CYTH1: variants seen among roughly 807,000 people sequenced by gnomAD.
The protein encoded by CYTH1 is cytohesin 1, also known as cytohesin-1.
A neutral mutation model predicts 61.8 loss-of-function variants in CYTH1; 18 were observed. The ratio of observed to expected loss-of-function variants is 0.29; its 90% CI spans 0.20 to 0.43. CYTH1 has a LOEUF of 0.43. Ranked by LOEUF, CYTH1 falls within the 20% of genes least tolerant of loss-of-function variation. The pLI is 1.00. For missense variants in CYTH1, 336 were observed against 510.5 expected, an observed-to-expected ratio of 0.66 and a Z score of 3.29; for synonymous variants, 174 against 184.3, an observed-to-expected ratio of 0.94 and a Z score of 0.45.
chr17:78,755,500 A>AAAAAAAT (rs1229173400), intron 1 of CYTH1, among the ~76,000 whole-genome samples: 1 of 151,590 alleles, frequency 6.6e-6, no homozygotes, highest in Non-Finnish European at 1.5e-5. Context: ...TTAAAAAAAA[A>AAAAAAAT]AAAAAGGAAA....
chr17:78,769,414 G>A (rs1284514437), intron 1 of CYTH1, among the ~76,000 whole-genome samples: 1 of 151,996 alleles, frequency 6.6e-6, no homozygotes, highest in Non-Finnish European at 1.5e-5. Context: ...ATACTTCTTT[G>A]CAATGTTCTC....
chr17:78,733,503 T>G (rs2093305527), intron 1 of CYTH1, among the ~76,000 whole-genome samples: 1 of 152,212 alleles, frequency 6.6e-6, no homozygotes, highest in African/African-American at 2.4e-5. Flanking sequence ...CAGCTCAGCG[T>G]TTACTGAGCA....
chr17:78,753,309 G>GA (rs1319601087), intron 1 of CYTH1, among the ~76,000 whole-genome samples: 2 of 151,784 alleles, frequency 1.3e-5, no homozygotes, highest in African/African-American at 4.8e-5. Context: ...TAATTATAAG[G>GA]AAAAAAGAAA....
At chr17:78,724,590 G>A (rs369251491) in intron 1 of CYTH1, among the ~76,000 whole-genome samples, 1 of 152,296 alleles carries the variant, frequency 6.6e-6, no homozygotes, top group East Asian at 1.9e-4. Flanking sequence ...AACCAAAAAT[G>A]TCTCCAGGCA....
At chr17:78,747,145 CAAAAAAAAA>C (rs56201341) in intron 1 of CYTH1, among the ~76,000 whole-genome samples, 7 of 57,830 alleles carry the variant, frequency 1.2e-4, no homozygotes, top group African/African-American at 3.6e-4. Context: ...ATGGCAGCGC[CAAAAAAAAA>C]AAAAAAAAAA....
At chr17:78,771,605 C>A (rs192440496) in intron 1 of CYTH1, among the ~76,000 whole-genome samples, 3 of 152,028 alleles carry the variant, frequency 2.0e-5, no homozygotes, top group African/African-American at 7.2e-5. Flanking sequence ...GTGGCATGCA[C>A]CTGTAATCCC....
At chr17:78,778,591 T>C (rs1046521583) in intron 1 of CYTH1, among the ~76,000 whole-genome samples, 15 of 139,014 alleles carry the variant, frequency 1.1e-4, no homozygotes, top group African/African-American at 4.0e-4. Context: ...TGAACCAAGA[T>C]TGCGTCACTG....
intron 5 of CYTH1, 87 bp from the exon 6 acceptor site, chr17:78,701,838 T>C: frequency 7.5e-7 from 1 of 1,336,560 alleles, no homozygotes; most frequent in Non-Finnish European, 1.1e-6. Context: ...TCTCCTACAC[T>C]GCGTCCTGTG....
rs2093464922 is a variant in CYTH1, at chr17:78,770,180, C to G, written c.22+12022G>C. ...AAAAAAGAAAAATACAAAAATTAGCCAGGCATGGTGGCGGGTGTCTGTAAT... is the reference window on the plus strand; with the variant it reads ...AAAAAAGAAAAATACAAAAATTAGCGAGGCATGGTGGCGGGTGTCTGTAAT... On this transcript the variant is annotated intron_variant, in intron 1 of 13. Transcript: ENST00000446868. 2.0e-5 allele frequency among the ~76,000 whole-genome samples: 3 copies of G among 150,474 alleles called. No individual in the cohort carries two copies. In the South Asian group the frequency reaches 6.3e-4, roughly 32 times the overall value.
chr17:78,757,972 T>C (rs1338271657), intron 1 of CYTH1, among the ~76,000 whole-genome samples: 1 of 152,050 alleles, frequency 6.6e-6, no homozygotes, highest in Non-Finnish European at 1.5e-5. Flanking sequence ...GAAGGATAAA[T>C]TAACAAGTAT....
chr17:78,719,174 G>C (rs2093207434), intron 1 of CYTH1, among the ~76,000 whole-genome samples: 1 of 152,206 alleles, frequency 6.6e-6, no homozygotes, highest in Admixed American at 6.5e-5. Context: ...TGGGTCCTAA[G>C]CCTAGCTTGG....
chr17:78,693,379 C>CT (rs1377458197), intron 10 of CYTH1, among the ~76,000 whole-genome samples: 1 of 152,022 alleles, frequency 6.6e-6, no homozygotes, highest in Non-Finnish European at 1.5e-5. Context: ...TCCCAGCACT[C>CT]TGGGAGGTCA....
intron 1 of CYTH1, among the ~76,000 whole-genome samples, chr17:78,710,029 C>T (rs930906388): frequency 5.9e-5 from 9 of 152,114 alleles, no homozygotes; most frequent in South Asian, 4.1e-4. Flanking sequence ...ATTAGCTGAG[C>T]GCCTGGCCAT....
At chr17:78,681,876 T>C (rs1487921247) in intron 11 of CYTH1, among the ~76,000 whole-genome samples, 4 of 151,784 alleles carry the variant, frequency 2.6e-5, no homozygotes, top group African/African-American at 9.7e-5. Flanking sequence ...CTATGAGTTC[T>C]CTAAAAGCGA....
intron 1 of CYTH1, among the ~76,000 whole-genome samples, chr17:78,718,794 G>A (rs778410884): frequency 3.5e-4 from 53 of 152,222 alleles, no homozygotes; most frequent in Non-Finnish European, 6.9e-4. Flanking sequence ...TGTGAGGAAT[G>A]CGTGATGGAA....
At chr17:78,685,468 ATTTAAG>A (rs66911324) in intron 11 of CYTH1, among the ~76,000 whole-genome samples, 23,396 of 151,988 alleles carry the variant, frequency 0.15, 2,017 homozygotes, top group Non-Finnish European at 0.21. Context: ...TTAGCTCTAT[ATTTAAG>A]TTTATTTAGC....
At chr17:78,747,373 A>G (rs1440606744) in intron 1 of CYTH1, among the ~76,000 whole-genome samples, 1 of 152,032 alleles carries the variant, frequency 6.6e-6, no homozygotes, top group East Asian at 1.9e-4. Context: ...AGACTCAAAT[A>G]CTGCACTGCG....
chr17:78,778,637 CAAAAAAAAAAAAAAA>C (rs71309108), intron 1 of CYTH1, among the ~76,000 whole-genome samples: 2 of 64,216 alleles, frequency 3.1e-5, no homozygotes, highest in East Asian at 4.5e-4. Context: ...GACTCCATCT[CAAAAAAAAAAAAAAA>C]AAAAAAAAAG....
At chr17:78,747,347 A>C (rs2093363656) in intron 1 of CYTH1, among the ~76,000 whole-genome samples, 1 of 152,136 alleles carries the variant, frequency 6.6e-6, no homozygotes, top group African/African-American at 2.4e-5. Flanking sequence ...TCTGGTATTT[A>C]GGAAGAGATC....
Sources: allele counts gnomAD v4.1 joint callset (sites outside exome capture counted in the v4.1 genomes callset), GRCh38; gene constraint gnomAD v4.1.1; transcripts MANE v1.5; gene names NCBI Gene and HGNC (gene_info 2026-07-23, HGNC 2026-07-21).